The following HTR1F variants were observed in gnomAD, a reference collection of about 807,000 sequenced individuals.
The protein encoded by HTR1F is 5-hydroxytryptamine (serotonin) receptor 1F, G protein-coupled.
In HTR1F, 17 loss-of-function variants were observed where a neutral mutation model predicts 24.0. The ratio of observed to expected loss-of-function variants is 0.71; its 90% CI spans 0.48 to 1.06. The LOEUF is 1.06. Ranked by LOEUF, HTR1F falls within the 50% of genes least tolerant of loss-of-function variation. The probability of loss-of-function intolerance (pLI) is 0.00; values close to 1 mark genes in which losing one functional copy is unlikely to be tolerated. For missense variants in HTR1F, 391 were observed against 427.8 expected, an observed-to-expected ratio of 0.91 and a Z score of 0.76; for synonymous variants, 186 against 156.8, an observed-to-expected ratio of 1.19 and a Z score of -1.39.
At chr3:87,827,378 C>T (rs1317614373) in intron 2 of HTR1F, among the ~76,000 whole-genome samples, 1 of 151,938 alleles carries the variant, frequency 6.6e-6, no homozygotes, top group Non-Finnish European at 1.5e-5. Flanking sequence ...TTTTTCCTTT[C>T]CCAGGCAGTC....
chr3:87,919,660 A>G (rs1410895070), intron 2 of HTR1F, among the ~76,000 whole-genome samples: 1 of 152,094 alleles, frequency 6.6e-6, no homozygotes, highest in Non-Finnish European at 1.5e-5. Context: ...AAATCAAACC[A>G]CGATATGATA....
intron 2 of HTR1F, among the ~76,000 whole-genome samples, chr3:87,836,260 T>C (rs899910006): frequency 5.9e-5 from 9 of 152,224 alleles, no homozygotes; most frequent in Non-Finnish European, 1.0e-4. Flanking sequence ...AAAGTTAATG[T>C]AGTCATAAAA....
At chr3:87,854,950 C>T (rs1417542874) in intron 2 of HTR1F, among the ~76,000 whole-genome samples, 2 of 151,634 alleles carry the variant, frequency 1.3e-5, no homozygotes, top group Admixed American at 6.6e-5. Context: ...GTTTTTTGGT[C>T]GGGTTGCTTT....
intron 2 of HTR1F, among the ~76,000 whole-genome samples, chr3:87,910,814 A>C (rs750312830): frequency 3.9e-5 from 6 of 152,128 alleles, no homozygotes; most frequent in Non-Finnish European, 8.8e-5. Context: ...CAATACTTTA[A>C]AAATTGCTTA....
intron 1 of HTR1F, among the ~76,000 whole-genome samples, chr3:87,797,166 G>A (rs1439859342): frequency 6.6e-6 from 1 of 152,132 alleles, no homozygotes; most frequent in African/African-American, 2.4e-5. Flanking sequence ...CTCTTACTGT[G>A]CCTAATTTAT....
chr3:87,846,327 C>T (rs567006373), intron 2 of HTR1F, among the ~76,000 whole-genome samples: 14 of 151,716 alleles, frequency 9.2e-5, no homozygotes, highest in African/African-American at 3.2e-4. Flanking sequence ...CCAGCTACTT[C>T]GGAGGCTGAG....
In HTR1F at chr3:87,991,488, C is replaced by CTAGA. The variant is rs1705829400; in HGVS notation, c.740_743dup (p.Glu248AspfsTer7). On this transcript the variant is annotated frameshift_variant, in exon 3 of 3. Coordinates refer to ENST00000319595, the MANE Select transcript of HTR1F (RefSeq NM_001322209.2). LOFTEE classifies it high-confidence loss of function. The stretch of plus-strand genomic sequence containing the variant: ...TAAATCAGTTTCCACATCCTATGTA[C>CTAGA]TAGAAAAGTCTTTATCTGACCCATC... The CTAGA allele has an allele frequency of 6.2e-7, 1 of 1,613,940 alleles. No individual in the cohort carries two copies. The highest frequency in any genetic ancestry group is 1.3e-5 in the African/African-American group (1 of 74,904).
intron 2 of HTR1F, among the ~76,000 whole-genome samples, chr3:87,828,513 T>A (rs1324548857): frequency 3.3e-5 from 5 of 152,222 alleles, no homozygotes; most frequent in African/African-American, 9.7e-5. Flanking sequence ...TTAACATTGC[T>A]TAGAGCTAAG....
At chr3:87,917,301 T>C (rs997010988) in intron 2 of HTR1F, among the ~76,000 whole-genome samples, 10 of 136,822 alleles carry the variant, frequency 7.3e-5, no homozygotes, top group African/African-American at 1.6e-4. Flanking sequence ...CTCAAGAAAA[T>C]AGAGAAACAA....
chr3:87,835,887 A>T (rs550318414), intron 2 of HTR1F, among the ~76,000 whole-genome samples: 62 of 152,276 alleles, frequency 4.1e-4, no homozygotes, highest in African/African-American at 1.4e-3. Flanking sequence ...AAAGCAAATG[A>T]GGAACTTTTG....
At chr3:87,954,945 T>C (rs1254895076) in intron 2 of HTR1F, among the ~76,000 whole-genome samples, 6 of 151,382 alleles carry the variant, frequency 4.0e-5, no homozygotes, top group Admixed American at 4.0e-4. Flanking sequence ...ATAAACTTGC[T>C]CTACTTTATG....
chr3:87,927,089 G>A (rs1003106594), intron 2 of HTR1F, among the ~76,000 whole-genome samples: 1 of 152,132 alleles, frequency 6.6e-6, no homozygotes, highest in African/African-American at 2.4e-5. Context: ...AGGACTCTCA[G>A]AAGACTTGCC....
At chr3:87,937,812 T>C (rs1408608911) in intron 2 of HTR1F, among the ~76,000 whole-genome samples, 1 of 151,426 alleles carries the variant, frequency 6.6e-6, no homozygotes, top group Non-Finnish European at 1.5e-5. Flanking sequence ...TAGTCCCAGC[T>C]ACTCAGGAGA....
intron 2 of HTR1F, among the ~76,000 whole-genome samples, chr3:87,949,744 G>C (rs1415972929): frequency 6.6e-6 from 1 of 152,054 alleles, no homozygotes; most frequent in East Asian, 1.9e-4. Context: ...CTAAATATCA[G>C]AGGCCATAGT....
At chr3:87,854,432 T>C (rs1392204065) in intron 2 of HTR1F, among the ~76,000 whole-genome samples, 1 of 152,022 alleles carries the variant, frequency 6.6e-6, no homozygotes, top group Non-Finnish European at 1.5e-5. Context: ...TTGTCTATCT[T>C]TATTCCTAAT....
Position 87,963,901 on chromosome 3 carries a change from G to A in HTR1F, c.-42-26807G>A, listed in dbSNP as rs552729275. On this transcript the variant is annotated intron_variant, in intron 2 of 2. Coordinates refer to ENST00000319595, the MANE Select transcript of HTR1F (RefSeq NM_001322209.2). Reference sequence around the variant, plus strand: ...CATTCTTACTCTTCAGAGCCCCAGAGCACCAGGTTCATACTTGGTGGGAGT... The same window carrying A: ...CATTCTTACTCTTCAGAGCCCCAGAACACCAGGTTCATACTTGGTGGGAGT... 2.0e-5 allele frequency among the ~76,000 whole-genome samples: 3 copies of A among 152,246 alleles called. No homozygotes were observed. The South Asian group carries it at 6.2e-4, about 32-fold the overall frequency.
At chr3:87,880,708 G>A (rs895764605) in intron 2 of HTR1F, among the ~76,000 whole-genome samples, 6 of 151,638 alleles carry the variant, frequency 4.0e-5, no homozygotes, top group East Asian at 1.9e-4. Flanking sequence ...ATGGCGGGGC[G>A]GGGAGAGAGA....
chr3:87,957,906 T>C lies in HTR1F; in HGVS notation c.-42-32802T>C, dbSNP rs182454632. On this transcript the variant is annotated intron_variant, in intron 2 of 2. Transcript: ENST00000319595. ...ATTTGTCTGTTTTTTATGTCTTTGA[T>C]GTCAGCTCTTATTTTATTATTTTGT... Among the ~76,000 whole-genome samples, 15 of 151,504 alleles carry C rather than the reference T, an allele frequency of 9.9e-5. 1 individual carries two copies. The East Asian group carries it at 2.9e-3, about 29-fold the overall frequency.
chr3:87,841,521 T>C (rs1033072685), intron 2 of HTR1F, among the ~76,000 whole-genome samples: 5 of 151,990 alleles, frequency 3.3e-5, no homozygotes, highest in Admixed American at 6.5e-5. Flanking sequence ...CTCTAGTCAG[T>C]GGAGCAACTA....
Sources: allele counts gnomAD v4.1 joint callset (sites outside exome capture counted in the v4.1 genomes callset), GRCh38; gene constraint gnomAD v4.1.1; transcripts MANE v1.5; gene names NCBI Gene and HGNC (gene_info 2026-07-23, HGNC 2026-07-21).